Variants in ENTREP2 observed in about 807,000 individuals in gnomAD.
ENTREP2 encodes protein ENTREP2.
the ENTREP2 span, among the ~76,000 whole-genome samples, chr15:29,217,038 G>C: frequency 1.3e-5 from 2 of 152,168 alleles, no homozygotes. Context: ...CAATTTTACA[G>C]AAGTAAAGTA....
At chr15:29,340,424 G>A in the ENTREP2 span, among the ~76,000 whole-genome samples, 1 of 152,148 alleles carries the variant, frequency 6.6e-6, no homozygotes, top group Admixed American at 6.5e-5. Context: ...TCTACAGCAG[G>A]GAGGGTGGAT....
chr15:29,481,606 T>A, the ENTREP2 span, among the ~76,000 whole-genome samples: 1 of 152,220 alleles, frequency 6.6e-6, no homozygotes, highest in African/African-American at 2.4e-5. Flanking sequence ...GAAACATTTA[T>A]AAGGCATAAA....
chr15:29,469,687 A>G, the ENTREP2 span, among the ~76,000 whole-genome samples: 3 of 152,206 alleles, frequency 2.0e-5, no homozygotes, highest in African/African-American at 7.2e-5. Flanking sequence ...GAACGCACTC[A>G]ATGCCACTGA....
At chr15:29,348,273 T>C in the ENTREP2 span, among the ~76,000 whole-genome samples, 20 of 152,118 alleles carry the variant, frequency 1.3e-4, no homozygotes, top group Admixed American at 1.1e-3. Flanking sequence ...GCAAGAGGCT[T>C]GATACATCAT....
chr15:29,670,356 G>C, the ENTREP2 span, among the ~76,000 whole-genome samples: 3 of 152,214 alleles, frequency 2.0e-5, no homozygotes. Context: ...GTCTCGCCCA[G>C]AACAGTGGTT....
chr15:29,131,399 ACTC>A, the ENTREP2 span, among the ~76,000 whole-genome samples: 1 of 150,662 alleles, frequency 6.6e-6, no homozygotes, highest in Non-Finnish European at 1.5e-5. Flanking sequence ...ACCAAATTAA[ACTC>A]CTAAAGCATC....
At chr15:29,641,418 T>C in the ENTREP2 span, among the ~76,000 whole-genome samples, 9 of 151,840 alleles carry the variant, frequency 5.9e-5, no homozygotes, top group Non-Finnish European at 1.3e-4. Context: ...TCCTAAGGGG[T>C]CTAAGAAAAA....
chr15:29,178,001 G>A, the ENTREP2 span, among the ~76,000 whole-genome samples: 1 of 152,246 alleles, frequency 6.6e-6, no homozygotes, highest in Admixed American at 6.5e-5. Flanking sequence ...AATGAACTTT[G>A]TTAACACAGT....
the ENTREP2 span, among the ~76,000 whole-genome samples, chr15:29,326,480 A>G: frequency 6.1e-4 from 93 of 152,176 alleles, 1 homozygote; most frequent in Non-Finnish European, 1.2e-3. Flanking sequence ...TGCACCAAGA[A>G]AACGAAATAC....
chr15:29,208,886 A>T, the ENTREP2 span, among the ~76,000 whole-genome samples: 19 of 152,208 alleles, frequency 1.2e-4, no homozygotes, highest in Non-Finnish European at 2.4e-4. Flanking sequence ...AAGATGAGTG[A>T]ATCTAACCGA....
chr15:29,268,527 C>T, the ENTREP2 span: 14,027 of 419,886 alleles, frequency 0.033, 339 homozygotes, highest in Non-Finnish European at 0.044. Context: ...GTCAAGTTTT[C>T]CAATTCGTTT....
the ENTREP2 span, among the ~76,000 whole-genome samples, chr15:29,444,179 AAAGAAAG>A: frequency 2.2e-5 from 1 of 46,136 alleles, no homozygotes; most frequent in African/African-American, 9.2e-5. Context: ...ACAAAGAAAG[AAAGAAAG>A]AAAGAAAGAA....
At chr15:29,490,834 G>C in the ENTREP2 span, among the ~76,000 whole-genome samples, 1 of 152,222 alleles carries the variant, frequency 6.6e-6, no homozygotes, top group Non-Finnish European at 1.5e-5. Flanking sequence ...TGCCAGGGCC[G>C]AAGGGGAGCT....
the ENTREP2 span, among the ~76,000 whole-genome samples, chr15:29,574,970 G>A: frequency 1.3e-5 from 2 of 152,210 alleles, no homozygotes; most frequent in Non-Finnish European, 2.9e-5. Flanking sequence ...AAAGATTATG[G>A]AGATAATGAG....
the ENTREP2 span, among the ~76,000 whole-genome samples, chr15:29,469,046 G>A: frequency 3.9e-4 from 59 of 152,136 alleles, no homozygotes; most frequent in Non-Finnish European, 7.1e-4. Context: ...AAGAGCATCC[G>A]AGGTGGTTCC....
the ENTREP2 span, among the ~76,000 whole-genome samples, chr15:29,182,648 GAGAA>G: frequency 6.6e-6 from 1 of 151,716 alleles, no homozygotes; most frequent in African/African-American, 2.4e-5. Flanking sequence ...GTGTATATAT[GAGAA>G]AGAAAGAGAG....
the ENTREP2 span, among the ~76,000 whole-genome samples, chr15:29,510,860 A>G: frequency 6.6e-6 from 1 of 151,868 alleles, no homozygotes; most frequent in Admixed American, 6.6e-5. Flanking sequence ...CTATGCAGCC[A>G]TAAAAAAGAA....
At chr15:29,518,703 C>T in the ENTREP2 span, among the ~76,000 whole-genome samples, 5 of 152,196 alleles carry the variant, frequency 3.3e-5, no homozygotes, top group African/African-American at 1.2e-4. Flanking sequence ...CAGCTATAAC[C>T]ACAGGGGGAA....
At chr15:29,656,175 G>C in the ENTREP2 span, among the ~76,000 whole-genome samples, 2 of 151,634 alleles carry the variant, frequency 1.3e-5, no homozygotes, top group Non-Finnish European at 2.9e-5. Flanking sequence ...AACAAAAATT[G>C]AGAGAATGCA....
Sources: allele counts gnomAD v4.1 joint callset (sites outside exome capture counted in the v4.1 genomes callset), GRCh38; gene constraint gnomAD v4.1.1; transcripts MANE v1.5; gene names NCBI Gene and HGNC (gene_info 2026-07-23, HGNC 2026-07-21).